PRKN: variants seen among roughly 807,000 people sequenced by gnomAD.
PRKN encodes the protein parkin RBR E3 ubiquitin protein ligase.
In PRKN, 56 loss-of-function variants were observed where a neutral mutation model predicts 59.5. That is an observed-to-expected ratio of 0.94 (90% CI 0.76 to 1.18). The LOEUF (loss-of-function observed/expected upper bound fraction) is 1.18, where lower values mean the gene tolerates loss of function less well. Among genes scored for constraint, PRKN ranks in the 50% most tolerant of loss-of-function variants. The pLI, the probability that PRKN is intolerant of heterozygous loss-of-function variation, is 0.00. For missense variants in PRKN, 657 were observed against 596.4 expected, an observed-to-expected ratio of 1.10 and a Z score of -1.06; for synonymous variants, 250 against 222.1, an observed-to-expected ratio of 1.13 and a Z score of -1.12.
intron 9 of PRKN, among the ~76,000 whole-genome samples, chr6:161,408,906 C>G (rs1006804862): frequency 2.6e-5 from 4 of 152,120 alleles, no homozygotes; most frequent in African/African-American, 9.7e-5. Flanking sequence ...AAGCATGCAG[C>G]AAGACTTGCA....
intron 6 of PRKN, among the ~76,000 whole-genome samples, chr6:161,804,202 C>T (rs964551564): frequency 6.6e-6 from 1 of 152,236 alleles, no homozygotes; most frequent in Non-Finnish European, 1.5e-5. Flanking sequence ...TCCCAGGACA[C>T]TGAGCCACCT....
chr6:161,855,580 A>C (rs528909063), intron 6 of PRKN, among the ~76,000 whole-genome samples: 3 of 141,132 alleles, frequency 2.1e-5, no homozygotes, highest in Admixed American at 1.5e-4. Flanking sequence ...TTAAAACATT[A>C]CTATTGTTCA....
At chr6:162,712,625 C>T (rs1778578372) in intron 1 of PRKN, among the ~76,000 whole-genome samples, 1 of 152,224 alleles carries the variant, frequency 6.6e-6, no homozygotes, top group Non-Finnish European at 1.5e-5. Context: ...AACAGGCTAA[C>T]TCATTAGTTT....
chr6:161,380,315 C>G (rs572561780), intron 10 of PRKN, among the ~76,000 whole-genome samples: 1 of 152,266 alleles, frequency 6.6e-6, no homozygotes, highest in East Asian at 1.9e-4. Context: ...CCTGAACACT[C>G]TCTCGTGCCT....
chr6:162,525,154 T>C (rs9356034), intron 1 of PRKN, among the ~76,000 whole-genome samples: 48,730 of 152,036 alleles, frequency 0.32, 8,491 homozygotes, highest in East Asian at 0.52. Context: ...TCCTGCTTAG[T>C]CCTAGCTCTG....
At chr6:161,476,769 C>T (rs56944701) in intron 9 of PRKN, among the ~76,000 whole-genome samples, 1,602 of 152,318 alleles carry the variant, frequency 0.011, 22 homozygotes, top group African/African-American at 0.037. Context: ...AATTTCTACA[C>T]TCTTTGGCTC....
intron 7 of PRKN, among the ~76,000 whole-genome samples, chr6:161,608,143 G>A (rs975343458): frequency 4.6e-5 from 7 of 152,066 alleles, no homozygotes; most frequent in African/African-American, 1.7e-4. Flanking sequence ...CAGGAGGAGT[G>A]GGACCTCAGA....
intron 7 of PRKN, among the ~76,000 whole-genome samples, chr6:161,677,846 G>C (rs1427626940): frequency 1.3e-5 from 2 of 152,132 alleles, no homozygotes; most frequent in Non-Finnish European, 2.9e-5. Context: ...CCTTCACTGT[G>C]ACTCACAAAT....
intron 4 of PRKN, among the ~76,000 whole-genome samples, chr6:162,105,078 C>T (rs1005787561): frequency 2.6e-5 from 4 of 152,112 alleles, no homozygotes; most frequent in Non-Finnish European, 4.4e-5. Flanking sequence ...GCACTCATCA[C>T]GCATTAGAGT....
chr6:161,465,019 G>A (rs1411359732), intron 9 of PRKN, among the ~76,000 whole-genome samples: 2 of 152,220 alleles, frequency 1.3e-5, no homozygotes, highest in African/African-American at 2.4e-5. Flanking sequence ...GCGATAGGCT[G>A]CGATCCTCTC....
intron 5 of PRKN, among the ~76,000 whole-genome samples, chr6:162,029,914 C>T (rs1057131184): frequency 1.3e-5 from 2 of 152,196 alleles, no homozygotes; most frequent in Admixed American, 1.3e-4. Flanking sequence ...TCATAGCTCA[C>T]TGTAATCTCA....
intron 1 of PRKN, among the ~76,000 whole-genome samples, chr6:162,604,521 C>G (rs979081199): frequency 6.6e-6 from 1 of 152,082 alleles, no homozygotes; most frequent in Non-Finnish European, 1.5e-5. Context: ...AATAAGAAAC[C>G]TGATTGATTC....
intron 2 of PRKN, among the ~76,000 whole-genome samples, chr6:162,332,738 C>T (rs181891409): frequency 1.1e-4 from 17 of 152,190 alleles, no homozygotes; most frequent in African/African-American, 4.1e-4. Context: ...CCACATGAGA[C>T]ACTGGCAGGC....
intron 5 of PRKN, among the ~76,000 whole-genome samples, chr6:162,001,837 T>G (rs1337018634): frequency 6.9e-6 from 1 of 145,232 alleles, no homozygotes; most frequent in Non-Finnish European, 1.5e-5. Context: ...TATCTCTAGT[T>G]TGCAAATAGC....
At chr6:162,435,592 T>C (rs777616419) in intron 2 of PRKN, among the ~76,000 whole-genome samples, 21 of 152,214 alleles carry the variant, frequency 1.4e-4, no homozygotes, top group Admixed American at 2.0e-4. Context: ...ATGATCATTC[T>C]TTGATTCTAG....
intron 4 of PRKN, among the ~76,000 whole-genome samples, chr6:162,062,361 T>C (rs1778136732): frequency 6.6e-6 from 1 of 152,156 alleles, no homozygotes; most frequent in South Asian, 2.1e-4. Context: ...CAGAGGTCGC[T>C]TGGGGCTGGG....
At chr6:161,909,910 T>C (rs1046472479) in intron 6 of PRKN, among the ~76,000 whole-genome samples, 1 of 152,154 alleles carries the variant, frequency 6.6e-6, no homozygotes, top group Non-Finnish European at 1.5e-5. Context: ...TAAAATAGTC[T>C]AGATGTCATT....
intron 7 of PRKN, among the ~76,000 whole-genome samples, chr6:161,726,521 A>G (rs1462391579): frequency 6.6e-6 from 1 of 152,204 alleles, no homozygotes; most frequent in Non-Finnish European, 1.5e-5. Context: ...TCTTGAATCC[A>G]AGAATGTCCC....
At chr6:161,805,481 T>G (rs201231597) in intron 6 of PRKN, among the ~76,000 whole-genome samples, 6 of 23,110 alleles carry the variant, frequency 2.6e-4, no homozygotes, top group African/African-American at 5.8e-4. Context: ...CACACACACA[T>G]GCATGTACAC....
Sources: gnomAD v4.1 joint callset for allele counts (sites outside exome capture counted in the v4.1 genomes callset) on GRCh38, gnomAD v4.1.1 for gene constraint, MANE v1.5 for transcripts, NCBI Gene and HGNC (gene_info 2026-07-23, HGNC 2026-07-21) for gene names.